The following PIK3C2G variants were observed in gnomAD, a reference collection of about 807,000 sequenced individuals.
The protein encoded by PIK3C2G is phosphatidylinositol-4-phosphate 3-kinase catalytic subunit type 2 gamma.
Under a neutral mutation model 181.1 loss-of-function variants are expected in PIK3C2G, and 168 were observed. The observed-to-expected ratio is 0.93, with a 90% CI of 0.82 to 1.05. PIK3C2G has a LOEUF of 1.05. Ranked by LOEUF, PIK3C2G falls within the 50% of genes least tolerant of loss-of-function variation. The probability of loss-of-function intolerance (pLI) is 0.00; values close to 1 mark genes in which losing one functional copy is unlikely to be tolerated. For missense variants in PIK3C2G, 1,869 were observed against 1,732.8 expected (o/e 1.08, Z -1.40); for synonymous variants, 573 against 592.2 (o/e 0.97, Z 0.47).
intron 2 of PIK3C2G, among the ~76,000 whole-genome samples, chr12:18,283,337 T>C (rs1319193767): frequency 6.6e-6 from 1 of 151,900 alleles, no homozygotes; most frequent in Non-Finnish European, 1.5e-5. Flanking sequence ...GTAACCAGAG[T>C]TTTTTCTGTA....
At chr12:18,428,847 T>C (rs1945989685) in intron 18 of PIK3C2G, among the ~76,000 whole-genome samples, 1 of 152,158 alleles carries the variant, frequency 6.6e-6, no homozygotes, top group Non-Finnish European at 1.5e-5. Flanking sequence ...ATGGGAACCA[T>C]AACATTTGGA....
intron 32 of PIK3C2G, among the ~76,000 whole-genome samples, chr12:18,643,891 C>G (rs1315605101): frequency 1.3e-5 from 2 of 152,140 alleles, no homozygotes; most frequent in Non-Finnish European, 2.9e-5. Context: ...GTGTACTGTT[C>G]TTGAAGTGGG....
intron 16 of PIK3C2G, 98 bp downstream of exon 16, chr12:18,399,945 G>T (rs1026314569): frequency 2.7e-5 from 17 of 625,360 alleles, no homozygotes; most frequent in African/African-American, 2.6e-4. Context: ...TATTCTGTTT[G>T]TTCTCAATTT....
intron 22 of PIK3C2G, among the ~76,000 whole-genome samples, chr12:18,501,198 A>T (rs537102238): frequency 1.3e-5 from 2 of 152,320 alleles, no homozygotes; most frequent in African/African-American, 4.8e-5. Flanking sequence ...GGTAATTAAT[A>T]AAGGAAAGAG....
intron 1 of PIK3C2G, among the ~76,000 whole-genome samples, chr12:18,281,233 C>G (rs1413963009): frequency 6.9e-6 from 1 of 144,318 alleles, no homozygotes; most frequent in Non-Finnish European, 1.5e-5. Context: ...AGAAAAAAAG[C>G]CCTGACAAGG....
chr12:18,327,995 T>C (rs1951424268), intron 8 of PIK3C2G, among the ~76,000 whole-genome samples: 1 of 151,990 alleles, frequency 6.6e-6, no homozygotes, highest in South Asian at 2.1e-4. Flanking sequence ...CACTTCTTCC[T>C]AGTAGTCTCT....
chr12:18,373,849 T>C (rs1942247340), intron 13 of PIK3C2G, among the ~76,000 whole-genome samples: 1 of 150,498 alleles, frequency 6.6e-6, no homozygotes, highest in South Asian at 2.1e-4. Context: ...CGAGACTCCG[T>C]CTAAAAAAAA....
At chr12:18,685,615 A>C in the PIK3C2G span, 1 of 516,256 alleles carries the variant, frequency 1.9e-6, no homozygotes, top group Admixed American at 1.9e-5. Context: ...CAGAAATAGT[A>C]AACTAATTGG....
At chr12:18,301,029 C>T (rs1257461126) in intron 5 of PIK3C2G, among the ~76,000 whole-genome samples, 1 of 150,376 alleles carries the variant, frequency 6.6e-6, no homozygotes, top group Non-Finnish European at 1.5e-5. Flanking sequence ...TTGAATATAT[C>T]ATCTCATTCT....
chr12:18,644,312 C>T (rs1326993408), intron 32 of PIK3C2G, among the ~76,000 whole-genome samples: 3 of 152,100 alleles, frequency 2.0e-5, no homozygotes, highest in Admixed American at 6.6e-5. Context: ...GGTGGGATTC[C>T]GGGCTCCAAA....
intron 1 of PIK3C2G, among the ~76,000 whole-genome samples, chr12:18,264,559 G>A (rs75224594): frequency 0.018 from 2,742 of 152,056 alleles, 89 homozygotes; most frequent in African/African-American, 0.062. Context: ...ACCTCCCGCT[G>A]AGATCACGTT....
At chr12:18,620,763 T>TTTTAA (rs1440159255) in intron 31 of PIK3C2G, among the ~76,000 whole-genome samples, 2 of 152,104 alleles carry the variant, frequency 1.3e-5, no homozygotes, top group African/African-American at 4.8e-5. Context: ...AATCTATCCT[T>TTTTAA]TTTAACCTTG....
chr12:18,415,941 G>A (rs976765544), intron 16 of PIK3C2G, among the ~76,000 whole-genome samples: 1 of 152,124 alleles, frequency 6.6e-6, no homozygotes, highest in African/African-American at 2.4e-5. Context: ...AGCAGAGTTG[G>A]TTCATAAGGT....
intron 5 of PIK3C2G, among the ~76,000 whole-genome samples, chr12:18,310,780 T>C (rs1178136613): frequency 6.6e-6 from 1 of 151,752 alleles, no homozygotes; most frequent in East Asian, 1.9e-4. Context: ...AAAGAAACAA[T>C]ATAGTTAATA....
At chr12:18,308,963 T>C (rs1351937726) in intron 5 of PIK3C2G, among the ~76,000 whole-genome samples, 3 of 151,728 alleles carry the variant, frequency 2.0e-5, no homozygotes, top group African/African-American at 4.8e-5. Context: ...TCTGTTGCAC[T>C]ATGATGATTG....
intron 23 of PIK3C2G, among the ~76,000 whole-genome samples, chr12:18,504,919 A>C (rs7137907): frequency 6.6e-6 from 1 of 152,154 alleles, no homozygotes; most frequent in Admixed American, 6.6e-5. Flanking sequence ...AATAGGCAAT[A>C]TTGGGGCGTA....
At chr12:18,571,240 A>C (rs938503937) in intron 29 of PIK3C2G, among the ~76,000 whole-genome samples, 1 of 150,796 alleles carries the variant, frequency 6.6e-6, no homozygotes, top group African/African-American at 2.5e-5. Context: ...TAGATTAAGT[A>C]TGTCAGAGAA....
Position 18,588,400 on chromosome 12 carries a change from G to GA in PIK3C2G, c.4012-6086dup, listed in dbSNP as rs548057382. Among the ~76,000 whole-genome samples, 878 of 150,732 alleles carry GA rather than the reference G, an allele frequency of 5.8e-3. 2 individuals carry two copies. The highest frequency in any genetic ancestry group is 0.01 in the Middle Eastern group (3 of 294). On this transcript the variant is annotated intron_variant, in intron 29 of 32. Coordinates refer to ENST00000538779, the MANE Select transcript of PIK3C2G (RefSeq NM_001288772.2). ...ATCTATAAGAAACTTAAATTTACAG[G>GA]AAAAAAAACAACCCCATTAAAATGT...
chr12:18,527,190 G>A (rs188226723), intron 24 of PIK3C2G, among the ~76,000 whole-genome samples: 5 of 152,170 alleles, frequency 3.3e-5, no homozygotes, highest in Admixed American at 2.0e-4. Flanking sequence ...CTGGTCTAAG[G>A]TACAATGTGC....
Sources: gnomAD v4.1 joint callset for allele counts (sites outside exome capture counted in the v4.1 genomes callset) on GRCh38, gnomAD v4.1.1 for gene constraint, MANE v1.5 for transcripts, NCBI Gene and HGNC (gene_info 2026-07-23, HGNC 2026-07-21) for gene names.